The following GSE1 variants were observed in gnomAD, a reference collection of about 807,000 sequenced individuals.
The protein encoded by GSE1 is genetic suppressor element 1.
Under a neutral mutation model 112.6 loss-of-function variants are expected in GSE1, and 32 were observed. That is an observed-to-expected ratio of 0.28 (90% CI 0.21 to 0.38). GSE1 has a LOEUF of 0.38. GSE1 is among the 10% of genes least tolerant of loss of function. The pLI, the probability that GSE1 is intolerant of heterozygous loss-of-function variation, is 1.00. For missense variants in GSE1, 2,348 were observed against 1,699.2 expected (o/e 1.38, Z -6.71); for synonymous variants, 1,115 against 735.6 (o/e 1.52, Z -8.35).
intron 1 of GSE1, among the ~76,000 whole-genome samples, chr16:85,291,453 GA>G (rs2045207765): frequency 6.6e-6 from 1 of 152,202 alleles, no homozygotes; most frequent in African/African-American, 2.4e-5. Flanking sequence ...CCTCGGAGGG[GA>G]CGCCGCCCTC....
intron 1 of GSE1, among the ~76,000 whole-genome samples, chr16:85,333,151 C>T (rs925618498): frequency 3.3e-5 from 5 of 152,170 alleles, no homozygotes; most frequent in Non-Finnish European, 5.9e-5. Flanking sequence ...AGTGGGGAGG[C>T]TGGTGGGCAG....
intron 1 of GSE1, among the ~76,000 whole-genome samples, chr16:85,266,238 G>A (rs1008890356): frequency 1.1e-4 from 17 of 152,318 alleles, no homozygotes; most frequent in African/African-American, 4.1e-4. Context: ...AGCTCCGGGC[G>A]AGACTGCTGG....
At chr16:85,635,356 G>C (rs1050496113) in intron 2 of GSE1, among the ~76,000 whole-genome samples, 1 of 152,204 alleles carries the variant, frequency 6.6e-6, no homozygotes, top group African/African-American at 2.4e-5. Context: ...AGGACCGCCA[G>C]AAAACCCTCC....
At chr16:85,293,553 A>G (rs1466129792) in intron 1 of GSE1, among the ~76,000 whole-genome samples, 1 of 152,154 alleles carries the variant, frequency 6.6e-6, no homozygotes, top group Admixed American at 6.5e-5. Context: ...CCATTTCAAA[A>G]AAAAATTTTT....
chr16:85,226,561 G>A (rs1430463962), intron 1 of GSE1, among the ~76,000 whole-genome samples: 2 of 152,128 alleles, frequency 1.3e-5, no homozygotes, highest in African/African-American at 4.8e-5. Flanking sequence ...TGTCTGCAGT[G>A]GGCATCTTAC....
chr16:85,265,937 G>A (rs139890534), intron 1 of GSE1, among the ~76,000 whole-genome samples: 62 of 152,326 alleles, frequency 4.1e-4, no homozygotes, highest in Middle Eastern at 3.4e-3. Flanking sequence ...GGTCCGCTGT[G>A]CCTGGTTCTG....
At chr16:85,343,690 C>T (rs1371348389) in intron 1 of GSE1, among the ~76,000 whole-genome samples, 2 of 152,136 alleles carry the variant, frequency 1.3e-5, no homozygotes, top group South Asian at 2.1e-4. Context: ...GTTGGGGCTG[C>T]AGTGAGCTAT....
intron 1 of GSE1, among the ~76,000 whole-genome samples, chr16:85,289,360 G>A (rs980227763): frequency 6.6e-6 from 1 of 152,100 alleles, no homozygotes; most frequent in Non-Finnish European, 1.5e-5. Context: ...CACCTGTACT[G>A]TGGCCACCCG....
chr16:85,416,631 TGCAGGTTTCCTTGCTAAGAGTTGCTAA>T (rs2048709684), intron 2 of GSE1, among the ~76,000 whole-genome samples: 3 of 152,230 alleles, frequency 2.0e-5, no homozygotes, highest in South Asian at 4.1e-4. Context: ...TCAGCAGCCC[TGCAGGTTTCCTTGCTAAGAGTTGCTAA>T]GCAGGTTTCC....
intron 1 of GSE1, among the ~76,000 whole-genome samples, chr16:85,355,738 T>C (rs2046937385): frequency 6.6e-6 from 1 of 152,050 alleles, no homozygotes; most frequent in Non-Finnish European, 1.5e-5. Flanking sequence ...TACAGAAAAG[T>C]GGCCAGGTGC....
intron 1 of GSE1, among the ~76,000 whole-genome samples, chr16:85,319,919 A>C (rs925392640): frequency 6.6e-6 from 1 of 152,348 alleles, no homozygotes; most frequent in Admixed American, 6.5e-5. Flanking sequence ...ATGCTTGTTG[A>C]GTCCATGGGT....
intron 1 of GSE1, among the ~76,000 whole-genome samples, chr16:85,178,787 G>A (rs370893194): frequency 6.6e-6 from 1 of 151,326 alleles, no homozygotes; most frequent in Admixed American, 6.6e-5. Context: ...CGGAGAGAGG[G>A]GTGGTGGGGG....
At chr16:85,390,233 C>T (rs764607479) in intron 2 of GSE1, among the ~76,000 whole-genome samples, 9 of 152,166 alleles carry the variant, frequency 5.9e-5, no homozygotes, top group African/African-American at 1.7e-4. Context: ...AAAATACTCA[C>T]GGCCTGTAGC....
intron 8 of GSE1, among the ~76,000 whole-genome samples, chr16:85,658,605 C>T (rs1257311751): frequency 6.6e-6 from 1 of 152,226 alleles, no homozygotes; most frequent in Non-Finnish European, 1.5e-5. Flanking sequence ...CTGGGAGTGA[C>T]TGTCACCAGG....
At chr16:85,632,047 G>C (rs2049580183) in intron 1 of GSE1, among the ~76,000 whole-genome samples, 1 of 152,222 alleles carries the variant, frequency 6.6e-6, no homozygotes. Context: ...GCATTTTCTG[G>C]AAGTGAGGCT....
At chr16:85,447,464 C>T (rs1004347374) in intron 2 of GSE1, among the ~76,000 whole-genome samples, 4 of 152,228 alleles carry the variant, frequency 2.6e-5, no homozygotes, top group African/African-American at 9.7e-5. Flanking sequence ...TTAAAGGAAC[C>T]AGCCACACTG....
In GSE1 at chr16:85,369,358, A is replaced by T. The variant is rs2047248051; in HGVS notation, c.2464+11715A>T. Among the ~76,000 whole-genome samples, 4 of 151,896 alleles carry T rather than the reference A, an allele frequency of 2.6e-5. No individual in the cohort carries two copies. The South Asian group carries it at 8.3e-4, about 32-fold the overall frequency. ...TAGCCTCCCAAGTAGCTGGGATTAC[A>T]GACATGCGACACCATTCCTGCTTAA... On this transcript the variant is annotated intron_variant, in intron 2 of 2. Transcript: ENST00000637419.
chr16:85,238,203 A>T (rs1485934025), intron 1 of GSE1, among the ~76,000 whole-genome samples: 3 of 152,142 alleles, frequency 2.0e-5, no homozygotes, highest in African/African-American at 7.2e-5. Context: ...TTCTCTGCCC[A>T]GGTTCTCCCC....
At chr16:85,444,865 A>G (rs2049469670) in intron 2 of GSE1, among the ~76,000 whole-genome samples, 1 of 152,084 alleles carries the variant, frequency 6.6e-6, no homozygotes, top group Non-Finnish European at 1.5e-5. Flanking sequence ...GCAGAAGCTC[A>G]GGATTGCTGA....
Sources: gnomAD v4.1 joint callset for allele counts (sites outside exome capture counted in the v4.1 genomes callset) on GRCh38, gnomAD v4.1.1 for gene constraint, MANE v1.5 for transcripts, NCBI Gene and HGNC (gene_info 2026-07-23, HGNC 2026-07-21) for gene names.